Variants in ULK4 observed in about 807,000 individuals in gnomAD.
ULK4 encodes inactive serine/threonine-protein kinase ULK4.
In ULK4, 133 loss-of-function variants were observed where a neutral mutation model predicts 160.6. The ratio of observed to expected loss-of-function variants is 0.83; its 90% confidence interval spans 0.72 to 0.96. The LOEUF (loss-of-function observed/expected upper bound fraction) is 0.96. Ranked by LOEUF, ULK4 falls within the 40% of genes least tolerant of loss-of-function variation. The pLI is 0.00. For synonymous variants in ULK4, 534 were observed against 539.8 expected (o/e 0.99, Z 0.15); for missense variants, 1,580 against 1,499.5 (o/e 1.05, Z -0.89).
At chr3:41,961,661 T>C (rs1700678194) in intron 1 of ULK4, among the ~76,000 whole-genome samples, 1 of 150,768 alleles carries the variant, frequency 6.6e-6, no homozygotes, top group Non-Finnish European at 1.5e-5. Flanking sequence ...GCTGGGAGCC[T>C]AGGAAGCGCT....
intron 34 of ULK4, among the ~76,000 whole-genome samples, chr3:41,434,174 G>C (rs1045014254): frequency 1.3e-5 from 2 of 152,094 alleles, no homozygotes; most frequent in Non-Finnish European, 2.9e-5. Flanking sequence ...ATATGAACAA[G>C]GTGTATATGA....
In ULK4 at chr3:41,781,416, TAA is replaced by T. The variant is rs57995352; in HGVS notation, c.2193+8243_2193+8244del. Among the ~76,000 whole-genome samples, 1,216 of 135,066 alleles carry T rather than the reference TAA, an allele frequency of 9.0e-3. 24 individuals carry two copies. The highest frequency in any genetic ancestry group is 0.029 in the African/African-American group (1,059 of 37,092). The allele number at this position is 135,066 out of a possible 152,430, so 88.6% of individuals were successfully genotyped here. A position where few individuals can be genotyped will look rare whatever the true frequency, so the allele number is the denominator to read the frequency against. ...TGGGCAACAGAGCGAGACTCCATCT[TAA>T]AAAAAAAAAAAAAAAAGTGAACTCT... On this transcript the variant is annotated intron_variant, in intron 21 of 36. Coordinates refer to ENST00000301831, the MANE Select transcript of ULK4 (RefSeq NM_017886.4).
At chr3:41,706,900 T>TATATAGAGAGAG (rs369390361) in intron 25 of ULK4, among the ~76,000 whole-genome samples, 8 of 136,378 alleles carry the variant, frequency 5.9e-5, no homozygotes, top group African/African-American at 2.3e-4. Flanking sequence ...TATATATATA[T>TATATAGAGAGAG]AGAGAGAGAG....
intron 30 of ULK4, among the ~76,000 whole-genome samples, chr3:41,649,280 T>C (rs1346263195): frequency 1.3e-5 from 2 of 151,962 alleles, no homozygotes; most frequent in Non-Finnish European, 2.9e-5. Flanking sequence ...CCAGCTGTAG[T>C]GGGGGAGGTG....
intron 17 of ULK4, among the ~76,000 whole-genome samples, chr3:41,841,846 C>G (rs2041936653): frequency 6.6e-6 from 1 of 152,078 alleles, no homozygotes; most frequent in Non-Finnish European, 1.5e-5. Context: ...ACCCCCAACC[C>G]CGTGCTCTCT....
In ULK4 at chr3:41,644,507, G is replaced by A. The variant is rs571839883; in HGVS notation, c.3071+19100C>T. Reference sequence around the variant, plus strand: ...TGTTGGATTACATTTATTGATTTGTGTATATTGAACCAGCCTTGCATCCCA... The same window carrying A: ...TGTTGGATTACATTTATTGATTTGTATATATTGAACCAGCCTTGCATCCCA... On this transcript the variant is annotated intron_variant, in intron 30 of 36. Transcript: ENST00000301831. Among the ~76,000 whole-genome samples the A allele has an allele frequency of 2.4e-3, 358 of 152,264 alleles. 5 individuals carry two copies. The highest frequency in any genetic ancestry group is 0.016 in the Admixed American group (252 of 15,292).
intron 22 of ULK4, among the ~76,000 whole-genome samples, chr3:41,732,479 G>A (rs1274249625): frequency 1.3e-5 from 2 of 152,044 alleles, no homozygotes; most frequent in Non-Finnish European, 2.9e-5. Flanking sequence ...ACAAATATTG[G>A]CATAGATGTG....
intron 35 of ULK4, among the ~76,000 whole-genome samples, chr3:41,369,224 A>C (rs566486848): frequency 6.6e-6 from 1 of 152,290 alleles, no homozygotes; most frequent in Admixed American, 6.5e-5. Context: ...GAGGCCCTGC[A>C]TGGTGGCCCC....
At chr3:41,800,901 G>C (rs570809686) in intron 19 of ULK4, among the ~76,000 whole-genome samples, 3 of 152,270 alleles carry the variant, frequency 2.0e-5, no homozygotes, top group African/African-American at 7.2e-5. Flanking sequence ...ATGAGTCCAA[G>C]GAAAAGCCCA....
At chr3:41,700,833 C>T (rs2036648840) in intron 27 of ULK4, among the ~76,000 whole-genome samples, 1 of 152,172 alleles carries the variant, frequency 6.6e-6, no homozygotes, top group African/African-American at 2.4e-5. Context: ...AAATAAGTCA[C>T]GCACTAGAAA....
chr3:41,813,126 G>T (rs1227803775), intron 19 of ULK4, among the ~76,000 whole-genome samples: 4 of 152,124 alleles, frequency 2.6e-5, no homozygotes, highest in African/African-American at 9.7e-5. Flanking sequence ...GACCCAGGAA[G>T]GGGAACAATG....
At chr3:41,454,775 C>G (rs936684661) in intron 34 of ULK4, among the ~76,000 whole-genome samples, 3 of 151,922 alleles carry the variant, frequency 2.0e-5, no homozygotes, top group African/African-American at 4.8e-5. Flanking sequence ...TCACTGCAAC[C>G]TCTGCCTCCT....
intron 31 of ULK4, among the ~76,000 whole-genome samples, chr3:41,595,754 A>T (rs2031647430): frequency 6.6e-6 from 1 of 152,218 alleles, no homozygotes; most frequent in African/African-American, 2.4e-5. Flanking sequence ...GGGATTTGCC[A>T]ATGTGATAGT....
intron 17 of ULK4, among the ~76,000 whole-genome samples, chr3:41,880,044 T>A: frequency 6.6e-6 from 1 of 152,092 alleles, no homozygotes. Context: ...CGTTTGAACC[T>A]GGGTGACAGA....
chr3:41,544,934 G>A (rs956756104), intron 32 of ULK4, among the ~76,000 whole-genome samples: 7 of 152,178 alleles, frequency 4.6e-5, no homozygotes, highest in African/African-American at 9.6e-5. Flanking sequence ...AGAGGACGGG[G>A]TCAGACTAAG....
At chr3:41,901,393 G>T (rs1698354444) in intron 12 of ULK4, among the ~76,000 whole-genome samples, 1 of 150,382 alleles carries the variant, frequency 6.6e-6, no homozygotes, top group South Asian at 2.1e-4. Context: ...TGTTAGCCAG[G>T]ATGGTCTCAA....
intron 22 of ULK4, among the ~76,000 whole-genome samples, chr3:41,740,964 T>C (rs2038222432): frequency 6.6e-6 from 1 of 151,966 alleles, no homozygotes; most frequent in Non-Finnish European, 1.5e-5. Context: ...AGCTACTAAC[T>C]ATTTTCCATA....
At chr3:41,703,629 A>G (rs958456595) in intron 27 of ULK4, among the ~76,000 whole-genome samples, 2 of 152,160 alleles carry the variant, frequency 1.3e-5, no homozygotes, top group African/African-American at 4.8e-5. Flanking sequence ...CCAAAGAAAA[A>G]GAAAGGAAAT....
chr3:41,707,010 C>T (rs984234707), intron 25 of ULK4, among the ~76,000 whole-genome samples: 2 of 151,806 alleles, frequency 1.3e-5, no homozygotes, highest in Non-Finnish European at 2.9e-5. Flanking sequence ...AGAACTAAGA[C>T]ATTTCCAATT....
Sources: allele counts gnomAD v4.1 joint callset (sites outside exome capture counted in the v4.1 genomes callset), GRCh38; gene constraint gnomAD v4.1.1; transcripts MANE v1.5; gene names NCBI Gene and HGNC (gene_info 2026-07-23, HGNC 2026-07-21).